The following MYO9B variants were observed in gnomAD, a reference collection of about 807,000 sequenced individuals.
The protein encoded by MYO9B is myosin IXB, also known as unconventional myosin-IXb.
In MYO9B, 71 loss-of-function variants were observed where a neutral mutation model predicts 229.5. The ratio of observed to expected loss-of-function variants is 0.31; its 90% CI spans 0.26 to 0.38. The LOEUF is 0.38. Ranked by LOEUF, MYO9B falls within the 10% of genes least tolerant of loss-of-function variation. The pLI is 1.00. For missense variants in MYO9B, 2,255 were observed against 2,920.5 expected, an observed-to-expected ratio of 0.77 and a Z score of 5.25; for synonymous variants, 1,185 against 1,235.8, an observed-to-expected ratio of 0.96 and a Z score of 0.86.
At chr19:17,156,254 A>G (rs575595749) in intron 6 of MYO9B, among the ~76,000 whole-genome samples, 1 of 151,796 alleles carries the variant, frequency 6.6e-6, no homozygotes, top group East Asian at 1.9e-4. Flanking sequence ...TTCTTTTGTG[A>G]GACAGTTTCA....
rs2073161407 is a variant in MYO9B at position 17,206,288 on chromosome 19, CAT to C, written c.5299_5300del (p.Ile1767HisfsTer92). 6.2e-7 allele frequency: 1 copy of C among 1,604,054 alleles called. No homozygotes were observed. The highest frequency in any genetic ancestry group is 1.3e-5 in the African/African-American group (1 of 74,706). ...VKLENFPIHA[I>X]TGVLKQWLRE... is the part of the protein sequence containing the mutation. ...AGCTGGAGAACTTCCCCATCCACGC[CAT>C]CACAGGGGTGCTGAAGCAGTGGCTG... On this transcript the variant is annotated frameshift_variant, in exon 33 of 40. Transcript: ENST00000682292. LOFTEE classifies it high-confidence loss of function.
At chr19:17,122,877 C>A (rs1018463816) in intron 2 of MYO9B, among the ~76,000 whole-genome samples, 9 of 152,174 alleles carry the variant, frequency 5.9e-5, no homozygotes, top group Non-Finnish European at 1.0e-4. Context: ...AGGAAGCTCA[C>A]TTGAAGCCAG....
intron 8 of MYO9B, among the ~76,000 whole-genome samples, chr19:17,161,861 C>G (rs765128839): frequency 6.6e-6 from 1 of 151,402 alleles, no homozygotes; most frequent in African/African-American, 2.4e-5. Context: ...TGGTGTTGTG[C>G]GCCATAGCCC....
In MYO9B at chr19:17,212,201, G is replaced by A. The variant is rs772740209; in HGVS notation, c.6365G>A (p.Gly2122Asp). Residue 2122 changes from glycine to aspartate, a missense_variant, in exon 40 of 40, where the codon GGC becomes GAC. Physicochemically the swap from Gly to Asp is moderately conservative, Grantham distance 94. This residue lies in a region of MYO9B where 331 missense variants were observed against 332.5 expected (regional missense o/e 1.00). Transcript: ENST00000682292. The surrounding 1 kb of genome is among the most constrained non-coding windows in gnomAD (Gnocchi z 5.4). ...ITPGADLPVQGALEPLEEDGQ... is the reference protein window; with the variant it reads ...ITPGADLPVQDALEPLEEDGQ... ...CCCGGGGCAGACCTGCCAGTGCAGG[G>A]CGCCCTGGAGCCCCTAGAAGAGGAT... 4.4e-6 allele frequency: 7 copies of A among 1,581,920 alleles called. No individual in the cohort carries two copies. The highest frequency in any genetic ancestry group is 6.0e-6 in the Non-Finnish European group (7 of 1,165,382).
At chr19:17,089,363 C>T (rs966812828) in intron 1 of MYO9B, among the ~76,000 whole-genome samples, 3 of 152,192 alleles carry the variant, frequency 2.0e-5, no homozygotes, top group Non-Finnish European at 2.9e-5. Flanking sequence ...AATGAGTCTG[C>T]TGTAATGCTA....
At chr19:17,186,050 T>A (rs1449499570) in intron 18 of MYO9B, 49 bp downstream of exon 18, 2 of 1,553,554 alleles carry the variant, frequency 1.3e-6, no homozygotes, top group African/African-American at 2.7e-5. Context: ...GCCGGACTCT[T>A]AGGGGTGTCG....
chr19:17,100,948 C>T (rs2057739239), intron 1 of MYO9B, among the ~76,000 whole-genome samples: 1 of 151,246 alleles, frequency 6.6e-6, no homozygotes, highest in Non-Finnish European at 1.5e-5. Flanking sequence ...TGGCCAAGGC[C>T]TGTGGGGCCG....
At chr19:17,087,730 G>T (rs766192248) in intron 1 of MYO9B, among the ~76,000 whole-genome samples, 1 of 152,136 alleles carries the variant, frequency 6.6e-6, no homozygotes, top group Middle Eastern at 3.2e-3. Context: ...AAGAGTTCAC[G>T]ACCAGCCTGA....
At chr19:17,097,674 A>T (rs938312415) in intron 1 of MYO9B, among the ~76,000 whole-genome samples, 1 of 151,904 alleles carries the variant, frequency 6.6e-6, no homozygotes. Context: ...CCTCGGCCTC[A>T]TAAGTTATCG....
chr19:17,194,993 G>A lies in MYO9B; in HGVS notation c.3566G>A (p.Ser1189Asn). ...AGGGTCACCCAGGAGCAAGGGGTGA[G>A]TCTCCTGGAAGACAAAAAGGAGAGC... ...SRRVTQEQGV[S>N]LLEDKKESRE... Residue 1189 changes from serine to asparagine, a missense_variant, in exon 22 of 40, where the codon AGT (serine) becomes AAT (asparagine). Physicochemically the swap from Ser to Asn is conservative, Grantham distance 46. Around this residue, in one of 7 missense-constraint regions of MYO9B, gnomAD observed 679 missense variants for 770.2 expected, o/e 0.88. Transcript: ENST00000682292. The A allele has an allele frequency of 6.2e-7, 1 of 1,613,288 alleles. No homozygotes were observed. Among genetic ancestry groups the A allele is most frequent in the Non-Finnish European group, 8.5e-7 (1 of 1,179,880 alleles).
chr19:17,109,709 G>A (rs1458888231), intron 2 of MYO9B, among the ~76,000 whole-genome samples: 1 of 152,182 alleles, frequency 6.6e-6, no homozygotes, highest in Non-Finnish European at 1.5e-5. Flanking sequence ...AGCCATCCTT[G>A]GAGCTCTGGG....
intron 36 of MYO9B, among the ~76,000 whole-genome samples, chr19:17,210,017 G>C (rs529028577): frequency 6.6e-6 from 1 of 152,300 alleles, no homozygotes; most frequent in African/African-American, 2.4e-5. Context: ...AACGAAAGAC[G>C]ATGGTCCTCG....
intron 24 of MYO9B, among the ~76,000 whole-genome samples, chr19:17,198,571 C>G (rs143163149): frequency 0.01 from 1,521 of 151,946 alleles, 24 homozygotes; most frequent in African/African-American, 0.033. Context: ...CCCATCTCTA[C>G]TAAAAATACA....
rs2057694085 is a variant in MYO9B at position 17,096,699 on chromosome 19, GTTGT to G, written c.-58-4959_-58-4956del. 6.7e-5 allele frequency among the ~76,000 whole-genome samples: 4 copies of G among 60,092 alleles called. No homozygotes were observed. The South Asian group carries it at 2.1e-3, about 31-fold the overall frequency. The allele number at this position is 60,092 out of a possible 152,430, so 39.4% of individuals were successfully genotyped here. On this transcript the variant is annotated intron_variant, in intron 1 of 39. Transcript: ENST00000682292. ...TGTTGTTGTTGTTGTTGTTGTTGTTGTTGTTGGTTTTTTTTTTTTTTTTGGAGAC... is the reference window on the plus strand; with the variant it reads ...TGTTGTTGTTGTTGTTGTTGTTGTTGTGGTTTTTTTTTTTTTTTTGGAGAC...
At chr19:17,183,694 G>A in intron 15 of MYO9B, 135 bp from the exon 16 acceptor site, 3 of 690,470 alleles carry the variant, frequency 4.3e-6, no homozygotes, top group South Asian at 3.9e-5. Flanking sequence ...TGGCCTTGTT[G>A]CACTTGCGCC....
rs898579503 is a variant in MYO9B at position 17,183,702 on chromosome 19, G to A, written c.2334-127G>A. On this transcript the variant is annotated intron_variant, in intron 15 of 39. Transcript: ENST00000682292. ...GTGGCGGTGGCCTTGTTGCACTTGCGCCTTCTCACTCTCTCCCCTCTCTCT... is the reference window on the plus strand; with the variant it reads ...GTGGCGGTGGCCTTGTTGCACTTGCACCTTCTCACTCTCTCCCCTCTCTCT... 5 of 744,676 alleles carry A rather than the reference G, an allele frequency of 6.7e-6. No homozygotes were observed. The Admixed American group carries it at 8.7e-5, about 13-fold the overall frequency. The allele number at this position is 744,676 out of a possible 1,614,324, so 46.1% of individuals were successfully genotyped here. A position where few individuals can be genotyped will look rare whatever the true frequency, so the allele number is the denominator to read the frequency against.
At chr19:17,134,169 CA>C (rs1303291102) in intron 2 of MYO9B, among the ~76,000 whole-genome samples, 2 of 151,940 alleles carry the variant, frequency 1.3e-5, no homozygotes, top group Admixed American at 6.6e-5. Flanking sequence ...ACCCATCACT[CA>C]AATAGTGAAC....
intron 2 of MYO9B, among the ~76,000 whole-genome samples, chr19:17,121,039 C>CTT (rs1244376467): frequency 3.9e-5 from 6 of 152,174 alleles, no homozygotes; most frequent in African/African-American, 1.4e-4. Context: ...ACCTCCCGGA[C>CTT]TCAAGCGATC....
Position 17,205,942 on chromosome 19 carries a change from C to G in MYO9B, c.5065-18C>G, listed in dbSNP as rs747338328. The G allele has an allele frequency of 6.5e-7, 1 of 1,542,310 alleles. No individual in the cohort carries two copies. Among genetic ancestry groups the G allele is most frequent in the African/African-American group, 1.4e-5 (1 of 73,398 alleles). ...AGACAGCCAGGCCCAGACCTGACCC[C>G]CAACCCCGGCACTGCAGGGCGAGCC... On this transcript the variant is annotated intron_variant, in intron 31 of 39. Transcript: ENST00000682292.
Sources: gnomAD v4.1 joint callset for allele counts (sites outside exome capture counted in the v4.1 genomes callset) on GRCh38, gnomAD v4.1.1 for gene constraint, gnomAD v4.1.1 regional missense constraint, Gnocchi (gnomAD v3.1) non-coding constraint, MANE v1.5 for transcripts, NCBI Gene and HGNC (gene_info 2026-07-23, HGNC 2026-07-21) for gene names.